Variants in EPB41L4A observed in about 807,000 individuals in gnomAD.
EPB41L4A encodes band 4.1-like protein 4A.
Under a neutral mutation model 108.6 loss-of-function variants are expected in EPB41L4A, and 100 were observed. The observed-to-expected ratio is 0.92, with a 90% CI of 0.78 to 1.09. The LOEUF is 1.09. Ranked by LOEUF, EPB41L4A falls within the 50% of genes least tolerant of loss-of-function variation. EPB41L4A has a pLI of 0.00. For missense variants in EPB41L4A, 1,030 were observed against 842.7 expected (o/e 1.22, Z -2.75); for synonymous variants, 319 against 289.0 (o/e 1.10, Z -1.05).
At chr5:112,268,173 G>C (rs996894912) in intron 4 of EPB41L4A, among the ~76,000 whole-genome samples, 5 of 152,342 alleles carry the variant, frequency 3.3e-5, no homozygotes, top group Admixed American at 6.5e-5. Context: ...CCTGAGATCA[G>C]GAGTTCAACA....
intron 18 of EPB41L4A, among the ~76,000 whole-genome samples, chr5:112,181,142 T>C (rs1184118548): frequency 6.6e-6 from 1 of 152,208 alleles, no homozygotes; most frequent in Non-Finnish European, 1.5e-5. Flanking sequence ...GAAATCATTT[T>C]GGTAATTCCT....
At chr5:112,239,024 G>T (rs1354325042) in intron 11 of EPB41L4A, among the ~76,000 whole-genome samples, 1 of 152,144 alleles carries the variant, frequency 6.6e-6, no homozygotes, top group East Asian at 1.9e-4. Context: ...GCCAGGGGAT[G>T]GATCCCACTT....
intron 1 of EPB41L4A, among the ~76,000 whole-genome samples, chr5:112,370,334 A>G (rs6878158): frequency 0.14 from 21,646 of 150,750 alleles, 4,338 homozygotes; most frequent in African/African-American, 0.45. Context: ...ACCACATATG[A>G]CCAAATTACT....
intron 1 of EPB41L4A, among the ~76,000 whole-genome samples, chr5:112,414,655 A>G (rs574655881): frequency 4.6e-5 from 7 of 152,366 alleles, no homozygotes; most frequent in South Asian, 4.1e-4. Flanking sequence ...AGGGAGGGAC[A>G]GCCAAAAGCT....
chr5:112,403,337 C>CAAAAAAAAAAA (rs113132902), intron 1 of EPB41L4A, among the ~76,000 whole-genome samples: 1 of 78,654 alleles, frequency 1.3e-5, no homozygotes. Context: ...TAATCCTCAG[C>CAAAAAAAAAAA]AAAAAAAAAA....
At chr5:112,158,991 T>A (rs1014798555), downstream of EPB41L4A, among the ~76,000 whole-genome samples, 3 of 152,242 alleles carry the variant, frequency 2.0e-5, no homozygotes, top group African/African-American at 7.2e-5. Flanking sequence ...GCCTTCCTTC[T>A]GCAAACTTCC....
intron 1 of EPB41L4A, among the ~76,000 whole-genome samples, chr5:112,320,930 C>T (rs909989604): frequency 7.9e-5 from 12 of 152,172 alleles, no homozygotes; most frequent in Non-Finnish European, 8.8e-5. Context: ...ACTCCCCAAC[C>T]CATGAATGTG....
At chr5:112,357,470 AC>A (rs1268845206) in intron 1 of EPB41L4A, among the ~76,000 whole-genome samples, 1 of 152,258 alleles carries the variant, frequency 6.6e-6, no homozygotes, top group Non-Finnish European at 1.5e-5. Context: ...CTCCTAGCAT[AC>A]AACCACACCT....
downstream of EPB41L4A, chr5:112,161,285 C>T: frequency 8.8e-6 from 3 of 340,136 alleles, no homozygotes; most frequent in South Asian, 6.8e-5. Context: ...GAGTGATCAC[C>T]TACCCTACAG....
chr5:112,392,540 C>A (rs1223902074), intron 1 of EPB41L4A, among the ~76,000 whole-genome samples: 2 of 151,548 alleles, frequency 1.3e-5, no homozygotes, highest in African/African-American at 4.8e-5. Flanking sequence ...GAAGAGCTAA[C>A]TATCCTAAAT....
intron 1 of EPB41L4A, among the ~76,000 whole-genome samples, chr5:112,351,256 T>C (rs1176709611): frequency 3.3e-5 from 5 of 151,836 alleles, no homozygotes; most frequent in Non-Finnish European, 5.9e-5. Flanking sequence ...AGAAATAATA[T>C]GCAAATAAAA....
At position 112,163,101 on chromosome 5, in the gene EPB41L4A, T is replaced by A. The variant is rs906178582; in HGVS notation, c.*1889A>T. 2 of 152,198 alleles carry A rather than the reference T, an allele frequency of 1.3e-5. No homozygotes were observed. Among genetic ancestry groups the A allele is most frequent in the Non-Finnish European group, 2.9e-5 (2 of 68,048 alleles). The allele number at this position is 152,198 out of a possible 1,614,324, so 9.4% of individuals were successfully genotyped here. A position where few individuals can be genotyped will look rare whatever the true frequency, so the allele number is the denominator to read the frequency against. On this transcript the variant is annotated 3_prime_UTR_variant, in exon 23 of 23. Transcript: ENST00000261486. ...ATAAATCCATGGTGGAAAATCAGAT[T>A]TGCAAGAAAAGGTAGTTGAACTAGG...
At chr5:112,146,562 C>T (rs1759265270) in intron 12 of EPB41L4A, among the ~76,000 whole-genome samples, 1 of 152,140 alleles carries the variant, frequency 6.6e-6, no homozygotes, top group Non-Finnish European at 1.5e-5. Context: ...GGACATGAAA[C>T]ACATGCCACA....
chr5:112,304,253 T>C (rs1017583314), intron 2 of EPB41L4A, among the ~76,000 whole-genome samples: 2 of 152,170 alleles, frequency 1.3e-5, no homozygotes, highest in African/African-American at 2.4e-5. Context: ...TTGATTTCCA[T>C]ATTCTGAGAA....
At chr5:112,358,922 G>A (rs981795129) in intron 1 of EPB41L4A, among the ~76,000 whole-genome samples, 8 of 152,118 alleles carry the variant, frequency 5.3e-5, no homozygotes, top group African/African-American at 1.9e-4. Flanking sequence ...AATGCTAGGT[G>A]AAAGAAAACA....
In EPB41L4A at chr5:112,259,209, C is replaced by CTAAG. The variant is rs1751324361; in HGVS notation, c.795+16_795+19dup. On this transcript the variant is annotated intron_variant, in intron 9 of 22. Coordinates refer to ENST00000261486, the MANE Select transcript of EPB41L4A (RefSeq NM_022140.5). Reference sequence around the variant, plus strand: ...CAAGACACCCCTCTTCTAATTTAAGCTAAGGGCTTGGAAACTTACATCTTT... The same window carrying CTAAG: ...CAAGACACCCCTCTTCTAATTTAAGCTAAGTAAGGGCTTGGAAACTTACATCTTT... 1 of 1,595,152 alleles carries CTAAG rather than the reference C, an allele frequency of 6.3e-7. No individual in the cohort carries two copies. The highest frequency in any genetic ancestry group is 1.7e-5 in the Admixed American group (1 of 59,932).
intron 9 of EPB41L4A, among the ~76,000 whole-genome samples, chr5:112,247,754 C>A (rs1047228397): frequency 6.6e-6 from 1 of 152,052 alleles, no homozygotes; most frequent in African/African-American, 2.4e-5. Flanking sequence ...GAAGGAGAAA[C>A]AAAGTATTCC....
chr5:112,237,703 T>C (rs1056898646), intron 11 of EPB41L4A, among the ~76,000 whole-genome samples: 2 of 152,238 alleles, frequency 1.3e-5, no homozygotes, highest in Admixed American at 1.3e-4. Context: ...GGTTAAAGTC[T>C]GGTTGCTTGC....
At chr5:112,339,500 A>C (rs1025269743) in intron 1 of EPB41L4A, among the ~76,000 whole-genome samples, 1 of 43,228 alleles carries the variant, frequency 2.3e-5, no homozygotes, top group Admixed American at 3.4e-4. Flanking sequence ...ATATATCTAT[A>C]TATATATATA....
Sources: allele counts gnomAD v4.1 joint callset (sites outside exome capture counted in the v4.1 genomes callset), GRCh38; gene constraint gnomAD v4.1.1; transcripts MANE v1.5; gene names NCBI Gene and HGNC (gene_info 2026-07-23, HGNC 2026-07-21).